Variants in FNBP1 observed in about 807,000 individuals in gnomAD.
FNBP1 encodes formin binding protein 1.
Under a neutral mutation model 90.6 loss-of-function variants are expected in FNBP1, and 26 were observed. The ratio of observed to expected loss-of-function variants is 0.29; its 90% CI spans 0.21 to 0.40. The LOEUF is 0.40. FNBP1 is among the 10% of genes least tolerant of loss of function. The probability of loss-of-function intolerance (pLI) is 1.00; values close to 1 mark genes in which losing one functional copy is unlikely to be tolerated. For synonymous variants in FNBP1, 260 were observed against 265.2 expected (o/e 0.98, Z 0.19); for missense variants, 635 against 768.0 (o/e 0.83, Z 2.05).
At chr9:130,036,771 C>T (rs1003940219) in intron 1 of FNBP1, among the ~76,000 whole-genome samples, 1 of 152,134 alleles carries the variant, frequency 6.6e-6, no homozygotes, top group African/African-American at 2.4e-5. Context: ...GTAGGCCGGG[C>T]GCAGTGGCTC....
chr9:130,031,493 G>T lies in FNBP1; in HGVS notation c.24+11459C>A, dbSNP rs80113206. On this transcript the variant is annotated intron_variant, in intron 1 of 16. Transcript: ENST00000446176. The surrounding 1 kb of genome is among the most constrained non-coding windows in gnomAD (Gnocchi z 4.2). ...CATTTCCTCCTTCTTTTCCCGGAAG[G>T]CTCTGTCCAGATCCCCTCCACCCTT... 0.03 allele frequency among the ~76,000 whole-genome samples: 4,521 copies of T among 152,074 alleles called. 85 individuals carry two copies. Among genetic ancestry groups the T allele is most frequent in the Non-Finnish European group, 0.043 (2,906 of 67,990 alleles).
In FNBP1 at chr9:129,901,853, A is replaced by G. The variant is rs2037005147; in HGVS notation, c.1428+1016T>C. Among the ~76,000 whole-genome samples, 5 of 152,172 alleles carry G rather than the reference A, an allele frequency of 3.3e-5. No individual in the cohort carries two copies. In the South Asian group the frequency reaches 1.0e-3, roughly 32 times the overall value. On this transcript the variant is annotated intron_variant, in intron 13 of 16. Coordinates refer to ENST00000446176, the MANE Select transcript of FNBP1 (RefSeq NM_015033.3). ...CTTGAACCTGGGAAGTGGAGGTCAC[A>G]CTGAGGTGAGATCACGCTACTACAC...
At chr9:130,015,863 TG>T (rs1194188499) in intron 1 of FNBP1, among the ~76,000 whole-genome samples, 1 of 152,120 alleles carries the variant, frequency 6.6e-6, no homozygotes, top group Non-Finnish European at 1.5e-5. Flanking sequence ...TTTGTAGAGA[TG>T]GGGTTTTGCC....
Position 129,978,410 on chromosome 9 carries a change from T to G in FNBP1, c.345+55A>C, listed in dbSNP as rs1038034757. ...ATTTAATTTTAATCTTCTAGGGATA[T>G]TCCCACTGTGTTTGGTCCATCTTTT... On this transcript the variant is annotated intron_variant, in intron 4 of 16. Transcript: ENST00000446176. 4 of 1,408,828 alleles carry G rather than the reference T, an allele frequency of 2.8e-6. No individual in the cohort carries two copies. In the East Asian group the frequency reaches 9.2e-5, roughly 32 times the overall value. The allele number at this position is 1,408,828 out of a possible 1,614,324, so 87.3% of individuals were successfully genotyped here. A position where few individuals can be genotyped will look rare whatever the true frequency, so the allele number is the denominator to read the frequency against.
chr9:129,890,431 G>T lies in FNBP1; in HGVS notation c.*108C>A. 1 of 875,688 alleles carries T rather than the reference G, an allele frequency of 1.1e-6. No individual in the cohort carries two copies. Among genetic ancestry groups the T allele is most frequent in the East Asian group, 2.6e-5 (1 of 37,878 alleles). The allele number at this position is 875,688 out of a possible 1,614,324, so 54.2% of individuals were successfully genotyped here. A position where few individuals can be genotyped will look rare whatever the true frequency, so the allele number is the denominator to read the frequency against. ...AGAGAGACCGCCCCGCAGGGATGGG[G>T]CTGCGGAGGGGTGGGCTGTCCACAG... On this transcript the variant is annotated 3_prime_UTR_variant, in exon 17 of 17. Coordinates refer to ENST00000446176, the MANE Select transcript of FNBP1 (RefSeq NM_015033.3). The surrounding 1 kb of genome is among the most constrained non-coding windows in gnomAD (Gnocchi z 5.8).
rs765477210 is a variant in FNBP1, at chr9:129,891,356, C to T, written c.1847-810G>A. 7.2e-5 allele frequency among the ~76,000 whole-genome samples: 11 copies of T among 152,054 alleles called. No individual in the cohort carries two copies. The South Asian group carries it at 1.7e-3, about 23-fold the overall frequency. ...GCATGCGCCTGTAGTCCCGGCTATT[C>T]GGGAAGATGAGTTGGAAGGATGGCT... is the stretch of plus-strand genomic sequence containing the variant. On this transcript the variant is annotated intron_variant, in intron 16 of 16. Transcript: ENST00000446176.
At chr9:129,938,772 C>T (rs1025966957) in intron 6 of FNBP1, among the ~76,000 whole-genome samples, 1 of 152,054 alleles carries the variant, frequency 6.6e-6, no homozygotes, top group Non-Finnish European at 1.5e-5. Flanking sequence ...ACAATTTCTG[C>T]TAAAAGAGAA....
chr9:130,043,865 T>G (rs2060021503), upstream of FNBP1, among the ~76,000 whole-genome samples: 1 of 152,156 alleles, frequency 6.6e-6, no homozygotes, highest in Non-Finnish European at 1.5e-5. Context: ...AGGCGTGGGG[T>G]ACACAGATAA....
intron 6 of FNBP1, among the ~76,000 whole-genome samples, chr9:129,949,298 A>C (rs981447092): frequency 7.9e-5 from 12 of 152,222 alleles, no homozygotes; most frequent in Non-Finnish European, 1.6e-4. Flanking sequence ...TTGTTCAATT[A>C]AGCTGATTTC....
At chr9:129,975,630 G>A (rs2050180374) in intron 4 of FNBP1, among the ~76,000 whole-genome samples, 1 of 151,924 alleles carries the variant, frequency 6.6e-6, no homozygotes, top group Non-Finnish European at 1.5e-5. Flanking sequence ...GAGGGGGCAC[G>A]GTGGCTCACG....
chr9:129,984,705 G>A (rs1381530949), intron 2 of FNBP1, among the ~76,000 whole-genome samples: 1 of 152,082 alleles, frequency 6.6e-6, no homozygotes, highest in Non-Finnish European at 1.5e-5. Context: ...TGCAGTGGAA[G>A]GGACCCAGGG....
intron 15 of FNBP1, among the ~76,000 whole-genome samples, chr9:129,899,585 C>T (rs892657234): frequency 3.9e-5 from 6 of 151,906 alleles, no homozygotes; most frequent in African/African-American, 1.2e-4. Flanking sequence ...AAAAATGAGC[C>T]GGACATGGTG....
At chr9:130,034,034 T>TAA in intron 1 of FNBP1, among the ~76,000 whole-genome samples, 1 of 128,400 alleles carries the variant, frequency 7.8e-6, no homozygotes, top group Non-Finnish European at 1.6e-5. Flanking sequence ...AAAAAAAAGT[T>TAA]AGACAGGCCA....
intron 1 of FNBP1, among the ~76,000 whole-genome samples, chr9:130,019,704 T>G (rs1390412121): frequency 1.3e-5 from 2 of 152,212 alleles, no homozygotes; most frequent in Admixed American, 1.3e-4. Context: ...AGAAACCTCA[T>G]TTTTTTCAAG....
At chr9:130,050,583 C>T in the FNBP1 span, among the ~76,000 whole-genome samples, 5 of 151,924 alleles carry the variant, frequency 3.3e-5, no homozygotes, top group Non-Finnish European at 7.4e-5. Context: ...TGCTAGGCCC[C>T]AATTTGACCA....
intron 1 of FNBP1, among the ~76,000 whole-genome samples, chr9:130,010,710 T>C (rs1033808561): frequency 2.0e-5 from 3 of 151,976 alleles, no homozygotes; most frequent in African/African-American, 7.2e-5. Context: ...CTGGACTCTT[T>C]GTCATGTGAG....
At chr9:129,894,514 A>C (rs1412496606) in intron 16 of FNBP1, among the ~76,000 whole-genome samples, 2 of 152,234 alleles carry the variant, frequency 1.3e-5, no homozygotes, top group Non-Finnish European at 2.9e-5. Context: ...ACAACAACAA[A>C]AAAACAAAAG....
chr9:129,905,294 G>GTGTGTGTATATA (rs374989661), intron 12 of FNBP1, among the ~76,000 whole-genome samples: 1 of 132,336 alleles, frequency 7.6e-6, no homozygotes, highest in Admixed American at 7.9e-5. Flanking sequence ...GTGTGTGTGT[G>GTGTGTGTATATA]TATATATATA....
At chr9:129,945,663 A>G (rs935815962) in intron 6 of FNBP1, among the ~76,000 whole-genome samples, 1 of 152,198 alleles carries the variant, frequency 6.6e-6, no homozygotes, top group South Asian at 2.1e-4. Flanking sequence ...AATAGAGCCA[A>G]CTCCATCCTG....
Sources: allele counts gnomAD v4.1 joint callset (sites outside exome capture counted in the v4.1 genomes callset), GRCh38; gene constraint gnomAD v4.1.1; non-coding constraint Gnocchi (gnomAD v3.1); transcripts MANE v1.5; gene names NCBI Gene and HGNC (gene_info 2026-07-23, HGNC 2026-07-21).